The following RANBP2 variants were observed in gnomAD, a reference collection of about 807,000 sequenced individuals.
RANBP2 encodes E3 SUMO-protein ligase RanBP2.
RANBP2 carries 57 observed loss-of-function variants against 303.6 expected under a neutral mutation model. The observed-to-expected ratio is 0.19, with a 90% CI of 0.15 to 0.23. RANBP2 has a LOEUF of 0.23. Among genes scored for constraint, RANBP2 ranks in the 10% least tolerant of loss-of-function variants. The pLI is 1.00. For synonymous variants in RANBP2, 1,167 were observed against 1,301.5 expected (o/e 0.90, Z 2.23); for missense variants, 3,138 against 3,780.8 (o/e 0.83, Z 4.46).
the RANBP2 span, among the ~76,000 whole-genome samples, chr2:109,414,219 G>A: frequency 1.3e-5 from 2 of 152,180 alleles, no homozygotes; most frequent in Non-Finnish European, 2.9e-5. Context: ...TCAGGACAAC[G>A]ATCACGAGCC....
the RANBP2 span, among the ~76,000 whole-genome samples, chr2:109,561,345 C>A: frequency 2.0e-5 from 3 of 152,174 alleles, no homozygotes; most frequent in African/African-American, 7.2e-5. Flanking sequence ...GGAACCCCCC[C>A]ACCCACACAA....
At chr2:109,699,044 A>T in the RANBP2 span, among the ~76,000 whole-genome samples, 1 of 152,208 alleles carries the variant, frequency 6.6e-6, no homozygotes, top group Non-Finnish European at 1.5e-5. Context: ...TTCTAGAGCC[A>T]CTTTAACCCC....
the RANBP2 span, among the ~76,000 whole-genome samples, chr2:109,343,067 G>A: frequency 6.6e-6 from 1 of 152,184 alleles, no homozygotes; most frequent in Non-Finnish European, 1.5e-5. Context: ...ACGTCTGTGG[G>A]CAGAAAGCAA....
the RANBP2 span, among the ~76,000 whole-genome samples, chr2:109,583,993 G>C: frequency 6.6e-6 from 1 of 152,160 alleles, no homozygotes; most frequent in African/African-American, 2.4e-5. Flanking sequence ...CTACTAGAGT[G>C]GGAAGGAAGA....
At chr2:109,682,705 C>T in the RANBP2 span, among the ~76,000 whole-genome samples, 117 of 152,154 alleles carry the variant, frequency 7.7e-4, no homozygotes, top group Middle Eastern at 3.4e-3. Context: ...TTTGGGAGGT[C>T]GAGGCAGGAA....
At chr2:109,078,433 T>G in the RANBP2 span, among the ~76,000 whole-genome samples, 1 of 148,118 alleles carries the variant, frequency 6.8e-6, no homozygotes, top group African/African-American at 2.4e-5. Flanking sequence ...ATGATCTCAC[T>G]TGTTTGTAGA....
chr2:109,503,624 G>A, the RANBP2 span: 2 of 152,334 alleles, frequency 1.3e-5, no homozygotes, highest in East Asian at 1.9e-4. Flanking sequence ...TCCTGTGCGT[G>A]TTTAAATTCA....
At chr2:109,604,995 A>G in the RANBP2 span, 3 of 152,210 alleles carry the variant, frequency 2.0e-5, 1 homozygote, top group East Asian at 5.8e-4. Flanking sequence ...CTTTGGAACT[A>G]CTGAGTTTAA....
chr2:109,240,352 G>A, the RANBP2 span, among the ~76,000 whole-genome samples: 1 of 152,242 alleles, frequency 6.6e-6, no homozygotes, highest in East Asian at 1.9e-4. Context: ...GTCAGGTGTG[G>A]TGGCTCATGC....
At chr2:109,536,740 C>T in the RANBP2 span, among the ~76,000 whole-genome samples, 17 of 152,178 alleles carry the variant, frequency 1.1e-4, no homozygotes, top group Non-Finnish European at 1.9e-4. Flanking sequence ...GGAAGCTCAT[C>T]TTGAATTCCT....
chr2:108,969,855 G>A, the RANBP2 span, among the ~76,000 whole-genome samples: 3 of 152,300 alleles, frequency 2.0e-5, no homozygotes, highest in East Asian at 5.8e-4. Context: ...AACTTGTGCA[G>A]GGATCCAAAA....
chr2:109,333,340 G>A, the RANBP2 span, among the ~76,000 whole-genome samples: 1 of 152,222 alleles, frequency 6.6e-6, no homozygotes, highest in African/African-American at 2.4e-5. Flanking sequence ...GAAACTGAAT[G>A]TGATCAATGT....
the RANBP2 span, among the ~76,000 whole-genome samples, chr2:108,900,939 T>G: frequency 6.6e-6 from 1 of 152,150 alleles, no homozygotes; most frequent in East Asian, 1.9e-4. Context: ...AAGTCCACAA[T>G]TATAGTTGAA....
At chr2:108,910,518 A>G in the RANBP2 span, 11 of 1,613,516 alleles carry the variant, frequency 6.8e-6, no homozygotes, top group Non-Finnish European at 9.3e-6. Flanking sequence ...TTCTCGGAGA[A>G]CATCACCACG....
At chr2:108,758,304 A>T in intron 17 of RANBP2, 109 bp from the exon 18 acceptor site, 1 of 1,517,942 alleles carries the variant, frequency 6.6e-7, no homozygotes, top group Non-Finnish European at 8.8e-7. Context: ...CTCAAAAAAA[A>T]AAAAAAAAAT....
At chr2:108,772,693 T>C in intron 22 of RANBP2, 112 bp downstream of exon 22, 1 of 1,264,510 alleles carries the variant, frequency 7.9e-7, no homozygotes, top group Admixed American at 2.4e-5. Flanking sequence ...CCCATGGTGA[T>C]TTAAAAAACT....
chr2:109,506,911 G>A, the RANBP2 span, among the ~76,000 whole-genome samples: 1 of 152,342 alleles, frequency 6.6e-6, no homozygotes, highest in South Asian at 2.1e-4. Context: ...CCACATGCTA[G>A]GTCAAGCTGT....
At chr2:108,964,661 AAAG>A in the RANBP2 span, among the ~76,000 whole-genome samples, 10 of 152,330 alleles carry the variant, frequency 6.6e-5, 1 homozygote, top group Middle Eastern at 6.8e-3. Context: ...CCAATTCCAG[AAAG>A]AAGAAGTGCT....
the RANBP2 span, among the ~76,000 whole-genome samples, chr2:109,485,804 G>T: frequency 2.6e-5 from 4 of 152,232 alleles, no homozygotes; most frequent in African/African-American, 9.6e-5. Flanking sequence ...TCAGTGTTCC[G>T]TGCCTGGGCA....
Sources: gnomAD v4.1 joint callset for allele counts (sites outside exome capture counted in the v4.1 genomes callset) on GRCh38, gnomAD v4.1.1 for gene constraint, MANE v1.5 for transcripts, NCBI Gene and HGNC (gene_info 2026-07-23, HGNC 2026-07-21) for gene names.